The following GNA11 variants were observed in gnomAD, a reference collection of about 807,000 sequenced individuals.
GNA11 encodes guanine nucleotide-binding protein subunit alpha-11.
In GNA11, 8 loss-of-function variants were observed where a neutral mutation model predicts 38.2. That is an observed-to-expected ratio of 0.21 (90% CI 0.12 to 0.38). The LOEUF (loss-of-function observed/expected upper bound fraction) is 0.38, where lower values mean the gene tolerates loss of function less well. Among genes scored for constraint, GNA11 ranks in the 10% least tolerant of loss-of-function variants. GNA11 has a pLI of 1.00. For synonymous variants in GNA11, 211 were observed against 221.4 expected, an observed-to-expected ratio of 0.95 and a Z score of 0.42; for missense variants, 268 against 516.3, an observed-to-expected ratio of 0.52 and a Z score of 4.66.
intron 1 of GNA11, among the ~76,000 whole-genome samples, chr19:3,100,068 G>C (rs927470738): frequency 6.6e-6 from 1 of 152,224 alleles, no homozygotes; most frequent in Non-Finnish European, 1.5e-5. Flanking sequence ...AGCACCTGGC[G>C]TGTGTGGCAC....
At chr19:3,104,418 G>GGGGTCCACTGTGGGGCGGCCTGTGGC (rs1913586336) in intron 1 of GNA11, among the ~76,000 whole-genome samples, 2 of 152,202 alleles carry the variant, frequency 1.3e-5, no homozygotes, top group African/African-American at 2.4e-5. Flanking sequence ...CCTAGCGTCT[G>GGGGTCCACTGTGGGGCGGCCTGTGGC]GGGTCCACTG....
At position 3,123,773 on chromosome 19, in the gene GNA11, C is replaced by G. The variant is rs1914148716; in HGVS notation, c.*2594C>G. ...GATTTCAGACAATTTCAACCTTAATCTATTTAAAAAAGAATATTCTATACA... is the reference window on the plus strand; with the variant it reads ...GATTTCAGACAATTTCAACCTTAATGTATTTAAAAAAGAATATTCTATACA... On this transcript the variant is annotated 3_prime_UTR_variant, in exon 7 of 7. Transcript: ENST00000078429. The G allele has an allele frequency of 4.3e-6, 1 of 232,304 alleles. No homozygotes were observed. The allele number at this position is 232,304 out of a possible 1,614,324, so 14.4% of individuals were successfully genotyped here.
chr19:3,097,503 C>G (rs909941269), intron 1 of GNA11, among the ~76,000 whole-genome samples: 2 of 152,184 alleles, frequency 1.3e-5, no homozygotes, highest in Non-Finnish European at 2.9e-5. Flanking sequence ...TCTGGGGCAG[C>G]AGGGCTCCAG....
rs976393415 is a variant in GNA11, at chr19:3,123,594, C to T, written c.*2415C>T. 1.3e-5 allele frequency: 3 copies of T among 233,104 alleles called. No homozygotes were observed. Among genetic ancestry groups the T allele is most frequent in the South Asian group, 1.8e-4 (1 of 5,530 alleles). The allele number at this position is 233,104 out of a possible 1,614,324, so 14.4% of individuals were successfully genotyped here. ...CTTCTCCGACCATGTTACGCCCGGG[C>T]GGCAGCAGCCCCCGGCCACTGCAAA... On this transcript the variant is annotated 3_prime_UTR_variant, in exon 7 of 7. Coordinates refer to ENST00000078429, the MANE Select transcript of GNA11 (RefSeq NM_002067.5).
rs771945797 is a variant in GNA11 at position 3,113,492 on chromosome 19, CG to C, written c.476+10del. On this transcript the variant is annotated intron_variant, in intron 3 of 6. Coordinates refer to ENST00000078429, the MANE Select transcript of GNA11 (RefSeq NM_002067.5). ...CTCCGACTCTGCCAAGTAGTAAGTG[CG>C]GCCGCACCGCTGGCGGCCTGGGGAC... 3.9e-5 allele frequency: 61 copies of C among 1,562,484 alleles called. No individual in the cohort carries two copies. The highest frequency in any genetic ancestry group is 5.0e-5 in the Non-Finnish European group (58 of 1,152,998).
intron 1 of GNA11, among the ~76,000 whole-genome samples, chr19:3,095,422 C>G (rs1913338819): frequency 1.3e-5 from 2 of 152,016 alleles, no homozygotes; most frequent in African/African-American, 4.8e-5. Context: ...CCACAGGGCA[C>G]ACTCACCCCT....
intron 1 of GNA11, among the ~76,000 whole-genome samples, chr19:3,099,776 C>T (rs559624046): frequency 5.9e-5 from 9 of 152,314 alleles, no homozygotes; most frequent in East Asian, 1.9e-4. Flanking sequence ...CGCAGTCTGC[C>T]GACAGGCGCT....
In GNA11 at chr19:3,121,386, A is replaced by T; in HGVS notation, c.*207A>T. The stretch of plus-strand genomic sequence containing the variant: ...ATCTCTCCCTCCGTACACTTCGCGC[A>T]CCTTCTCACCTTTTGTCAACGGCAA... On this transcript the variant is annotated 3_prime_UTR_variant, in exon 7 of 7. Transcript: ENST00000078429. 1 of 375,094 alleles carries T rather than the reference A, an allele frequency of 2.7e-6. No homozygotes were observed. The highest frequency in any genetic ancestry group is 6.8e-4 in the Middle Eastern group (1 of 1,468). 23.2% of individuals were successfully genotyped at this position (375,094 alleles called of 1,614,324 possible).
intron 3 of GNA11, among the ~76,000 whole-genome samples, chr19:3,113,849 C>T (rs1223953283): frequency 6.6e-6 from 1 of 152,196 alleles, no homozygotes; most frequent in Non-Finnish European, 1.5e-5. Flanking sequence ...GTAGACACAA[C>T]CTGGGCCGTC....
At chr19:3,109,635 G>A (rs994462378) in intron 1 of GNA11, among the ~76,000 whole-genome samples, 9 of 152,208 alleles carry the variant, frequency 5.9e-5, no homozygotes, top group Admixed American at 3.9e-4. Flanking sequence ...CAGTGTGGCC[G>A]TGGCCGCTGA....
At chr19:3,106,215 G>A (rs1220152139) in intron 1 of GNA11, among the ~76,000 whole-genome samples, 1 of 152,122 alleles carries the variant, frequency 6.6e-6, no homozygotes, top group African/African-American at 2.4e-5. Flanking sequence ...CCTGGATGTT[G>A]AGCCCCAGCC....
chr19:3,099,352 G>C (rs1706243410), intron 1 of GNA11, among the ~76,000 whole-genome samples: 1 of 152,222 alleles, frequency 6.6e-6, no homozygotes, highest in Non-Finnish European at 1.5e-5. Context: ...TGCCCACCTG[G>C]GTGACTGAGA....
At chr19:3,114,901 C>G in intron 3 of GNA11, 43 bp from the exon 4 acceptor site, 1 of 1,562,824 alleles carries the variant, frequency 6.4e-7, no homozygotes, top group Non-Finnish European at 8.7e-7. Flanking sequence ...TCCTGCCCCC[C>G]CACCCCCGGC....
intron 1 of GNA11, among the ~76,000 whole-genome samples, chr19:3,095,267 C>T (rs1344193290): frequency 6.6e-6 from 1 of 152,206 alleles, no homozygotes; most frequent in Admixed American, 6.5e-5. Context: ...CTGCTGTCTA[C>T]ATTGGGCCTC....
In GNA11 at chr19:3,123,732, T is replaced by C. The variant is rs567114684; in HGVS notation, c.*2553T>C. ...GGCGGACGGGACCCAGTGATACTTG[T>C]ATATTACACAGTCCTGATTTCAGAC... On this transcript the variant is annotated 3_prime_UTR_variant, in exon 7 of 7. Transcript: ENST00000078429. 19 of 232,756 alleles carry C rather than the reference T, an allele frequency of 8.2e-5. No individual in the cohort carries two copies. Among genetic ancestry groups the C allele is most frequent in the Non-Finnish European group, 1.6e-4 (19 of 117,806 alleles). 14.4% of individuals were successfully genotyped at this position (232,756 alleles called of 1,614,324 possible). A position where few individuals can be genotyped will look rare whatever the true frequency, so the allele number is the denominator to read the frequency against.
At chr19:3,115,158 C>T (rs891927910) in intron 4 of GNA11, 86 bp downstream of exon 4, 2 of 1,465,488 alleles carry the variant, frequency 1.4e-6, no homozygotes, top group Admixed American at 1.8e-5. Flanking sequence ...GCACCCAGTG[C>T]TTTGGGAGGC....
Position 3,113,498 on chromosome 19 carries a change from C to T in GNA11, c.476+14C>T, listed in dbSNP as rs772439040. 6.4e-7 allele frequency: 1 copy of T among 1,555,940 alleles called. No homozygotes were observed. The highest frequency in any genetic ancestry group is 1.2e-5 in the South Asian group (1 of 81,852). ...CTCTGCCAAGTAGTAAGTGCGGCCG[C>T]ACCGCTGGCGGCCTGGGGACGGCAG... On this transcript the variant is annotated intron_variant, in intron 3 of 6. Coordinates refer to ENST00000078429, the MANE Select transcript of GNA11 (RefSeq NM_002067.5).
chr19:3,094,868 C>T lies in GNA11; in HGVS notation c.136+81C>T, dbSNP rs1913323739. 4.5e-6 allele frequency: 5 copies of T among 1,110,820 alleles called. No homozygotes were observed. The highest frequency in any genetic ancestry group is 3.2e-5 in the East Asian group (1 of 31,268). 68.8% of individuals were successfully genotyped at this position (1,110,820 alleles called of 1,614,324 possible). ...CTGCCTGTCCGGGTCGGGCCGGGAC[C>T]CTCCGGGGTCAGCCCTGCCTGTGCC... On this transcript the variant is annotated intron_variant, in intron 1 of 6. Transcript: ENST00000078429. The surrounding 1 kb of genome is among the most constrained non-coding windows in gnomAD (Gnocchi z 6.0).
intron 1 of GNA11, among the ~76,000 whole-genome samples, chr19:3,102,155 T>G (rs1041424116): frequency 2.1e-4 from 32 of 149,284 alleles, no homozygotes; most frequent in Admixed American, 2.0e-4. Flanking sequence ...AAAACATGAG[T>G]GAGTGACACC....
Sources: allele counts gnomAD v4.1 joint callset (sites outside exome capture counted in the v4.1 genomes callset), GRCh38; gene constraint gnomAD v4.1.1; non-coding constraint Gnocchi (gnomAD v3.1); transcripts MANE v1.5; gene names NCBI Gene and HGNC (gene_info 2026-07-23, HGNC 2026-07-21).